Variants in NAALADL2 observed in about 807,000 individuals in gnomAD.
NAALADL2 encodes the protein N-acetylated alpha-linked acidic dipeptidase like 2, also known as inactive N-acetylated-alpha-linked acidic dipeptidase-like protein 2.
A neutral mutation model predicts 87.2 loss-of-function variants in NAALADL2; 76 were observed. The observed-to-expected ratio is 0.87, with a 90% CI of 0.72 to 1.05. NAALADL2 has a LOEUF of 1.05. Among genes scored for constraint, NAALADL2 ranks in the 50% least tolerant of loss-of-function variants. The probability of loss-of-function intolerance (pLI) is 0.00; values close to 1 mark genes in which losing one functional copy is unlikely to be tolerated. For missense variants in NAALADL2, 1,089 were observed against 945.8 expected, an observed-to-expected ratio of 1.15 and a Z score of -1.99; for synonymous variants, 354 against 331.0, an observed-to-expected ratio of 1.07 and a Z score of -0.75.
chr3:175,278,438 A>G (rs771377192), intron 4 of NAALADL2, among the ~76,000 whole-genome samples: 1 of 152,162 alleles, frequency 6.6e-6, no homozygotes. Context: ...GCGTCTAACC[A>G]TGTTATTTGA....
chr3:175,068,105 G>A (rs1447129691), intron 1 of NAALADL2, among the ~76,000 whole-genome samples: 1 of 152,024 alleles, frequency 6.6e-6, no homozygotes, highest in East Asian at 1.9e-4. Context: ...GGAAAGGAAG[G>A]TGGGGCAAAG....
At chr3:175,169,598 T>A (rs1447537560) in intron 2 of NAALADL2, among the ~76,000 whole-genome samples, 3 of 151,804 alleles carry the variant, frequency 2.0e-5, no homozygotes. Context: ...ATTCTCATTT[T>A]GTAGTTCTTT....
At chr3:175,123,331 G>T (rs1288609615) in intron 2 of NAALADL2, among the ~76,000 whole-genome samples, 3 of 151,962 alleles carry the variant, frequency 2.0e-5, no homozygotes, top group African/African-American at 7.2e-5. Context: ...TACGGATGGT[G>T]GTACTAATAG....
At chr3:175,794,223 A>G (rs1753174634) in intron 13 of NAALADL2, among the ~76,000 whole-genome samples, 1 of 152,210 alleles carries the variant, frequency 6.6e-6, no homozygotes, top group Non-Finnish European at 1.5e-5. Context: ...GGTTCTACCT[A>G]CTGAGTGGAA....
At chr3:175,305,289 T>C (rs1376329023) in intron 4 of NAALADL2, among the ~76,000 whole-genome samples, 1 of 88,082 alleles carries the variant, frequency 1.1e-5, no homozygotes, top group Non-Finnish European at 2.7e-5. Flanking sequence ...TGTGTGTGTA[T>C]GTGTTCTCCA....
At chr3:175,475,779 A>G (rs1024180362) in intron 9 of NAALADL2, among the ~76,000 whole-genome samples, 2 of 152,300 alleles carry the variant, frequency 1.3e-5, no homozygotes, top group Middle Eastern at 3.4e-3. Context: ...TGCAAGTGGT[A>G]TGATCATAGC....
At chr3:175,241,269 G>A (rs1218920467) in intron 3 of NAALADL2, among the ~76,000 whole-genome samples, 2 of 152,020 alleles carry the variant, frequency 1.3e-5, no homozygotes, top group African/African-American at 4.8e-5. Context: ...TGCCCAGGCT[G>A]GAGTGCAGTG....
chr3:175,045,443 G>C (rs6797781), intron 1 of NAALADL2, among the ~76,000 whole-genome samples: 3,107 of 152,058 alleles, frequency 0.02, 49 homozygotes, highest in African/African-American at 0.022. Context: ...TTCCTTGACT[G>C]TTTATCCTCT....
intron 3 of NAALADL2, among the ~76,000 whole-genome samples, chr3:174,840,355 C>G (rs12634149): frequency 6.6e-6 from 1 of 151,986 alleles, no homozygotes; most frequent in Non-Finnish European, 1.5e-5. Flanking sequence ...ACACCAGCAA[C>G]TAGGAACTGC....
intron 1 of NAALADL2, among the ~76,000 whole-genome samples, chr3:174,961,736 T>G (rs1742030885): frequency 6.6e-6 from 1 of 152,068 alleles, no homozygotes; most frequent in Non-Finnish European, 1.5e-5. Flanking sequence ...TCGTGTCCCA[T>G]CTCACAGTTA....
chr3:175,456,978 T>C (rs1426522055), intron 6 of NAALADL2, among the ~76,000 whole-genome samples: 1 of 152,084 alleles, frequency 6.6e-6, no homozygotes, highest in East Asian at 1.9e-4. Context: ...TCTGATGTTA[T>C]CTCATGAGGA....
chr3:175,461,910 G>GATC (rs1723190174), intron 6 of NAALADL2, among the ~76,000 whole-genome samples: 1 of 152,116 alleles, frequency 6.6e-6, no homozygotes, highest in African/African-American at 2.4e-5. Flanking sequence ...ACAATAAAAA[G>GATC]ATCAGTGGTT....
At chr3:175,656,738 T>C in intron 11 of NAALADL2, among the ~76,000 whole-genome samples, 1 of 151,028 alleles carries the variant, frequency 6.6e-6, no homozygotes, top group East Asian at 1.9e-4. Context: ...TGTGTGTGTG[T>C]ATGTGTGTGT....
At chr3:175,241,062 T>G (rs933973930) in intron 3 of NAALADL2, among the ~76,000 whole-genome samples, 1 of 152,136 alleles carries the variant, frequency 6.6e-6, no homozygotes, top group Non-Finnish European at 1.5e-5. Context: ...TGCACAAGTG[T>G]GAGATAAATG....
intron 9 of NAALADL2, among the ~76,000 whole-genome samples, chr3:175,572,314 A>T (rs1388171483): frequency 6.6e-6 from 1 of 152,000 alleles, no homozygotes; most frequent in Non-Finnish European, 1.5e-5. Flanking sequence ...CACATGTAGC[A>T]TCAGAGATGT....
At chr3:174,590,947 G>T (rs927244166) in intron 2 of NAALADL2, among the ~76,000 whole-genome samples, 1 of 151,870 alleles carries the variant, frequency 6.6e-6, no homozygotes, top group Non-Finnish European at 1.5e-5. Flanking sequence ...CTCCACAGTT[G>T]CTGCTGATAC....
At chr3:175,624,355 A>G (rs7628080) in intron 10 of NAALADL2, among the ~76,000 whole-genome samples, 111,954 of 151,814 alleles carry the variant, frequency 0.74, 42,025 homozygotes, top group East Asian at 0.88. Flanking sequence ...GAATAACAGC[A>G]CAGATTTGGA....
intron 9 of NAALADL2, among the ~76,000 whole-genome samples, chr3:175,574,563 G>T (rs1338265523): frequency 6.6e-6 from 1 of 152,046 alleles, no homozygotes; most frequent in Non-Finnish European, 1.5e-5. Flanking sequence ...AGTTTCTCTT[G>T]TGTCTGGTTA....
intron 12 of NAALADL2, among the ~76,000 whole-genome samples, chr3:175,738,557 T>A (rs1043222975): frequency 9.9e-5 from 15 of 152,186 alleles, no homozygotes; most frequent in African/African-American, 3.6e-4. Flanking sequence ...CCCTTTTTTT[T>A]TCTTTACCTG....
Sources: allele counts gnomAD v4.1 joint callset (sites outside exome capture counted in the v4.1 genomes callset), GRCh38; gene constraint gnomAD v4.1.1; transcripts MANE v1.5; gene names NCBI Gene and HGNC (gene_info 2026-07-23, HGNC 2026-07-21).